The following USH2A variants were observed in gnomAD, a reference collection of about 807,000 sequenced individuals.
The protein encoded by USH2A is Usher syndrome 2A (autosomal recessive, mild).
USH2A carries 443 observed loss-of-function variants against 538.9 expected under a neutral mutation model. That is an observed-to-expected ratio of 0.82 (90% CI 0.76 to 0.89). The LOEUF is 0.89. USH2A is among the 40% of genes least tolerant of loss of function. The probability of loss-of-function intolerance (pLI) is 0.00; values close to 1 mark genes in which losing one functional copy is unlikely to be tolerated. For missense variants in USH2A, 6,633 were observed against 6,324.8 expected, an observed-to-expected ratio of 1.05 and a Z score of -1.65; for synonymous variants, 2,413 against 2,273.5, an observed-to-expected ratio of 1.06 and a Z score of -1.75.
At chr1:216,410,837 A>G (rs1307110403) in intron 3 of USH2A, among the ~76,000 whole-genome samples, 1 of 152,080 alleles carries the variant, frequency 6.6e-6, no homozygotes, top group Non-Finnish European at 1.5e-5. Flanking sequence ...ACTCCTCTCA[A>G]AGCTGACCAT....
chr1:216,063,165 T>C (rs1023536970), intron 30 of USH2A, among the ~76,000 whole-genome samples: 34 of 152,160 alleles, frequency 2.2e-4, no homozygotes, highest in African/African-American at 8.0e-4. Context: ...GCTTCACCGA[T>C]TTTTCTCTCT....
chr1:215,986,183 A>G (rs1310790863), intron 35 of USH2A, among the ~76,000 whole-genome samples: 1 of 151,998 alleles, frequency 6.6e-6, no homozygotes, highest in Non-Finnish European at 1.5e-5. Context: ...GCAGTGTCAC[A>G]ATTGTGGTTC....
intron 3 of USH2A, among the ~76,000 whole-genome samples, chr1:216,376,682 C>T (rs2038827732): frequency 6.6e-6 from 1 of 152,002 alleles, no homozygotes; most frequent in Admixed American, 6.6e-5. Context: ...TTTATACTTC[C>T]AGGGAATAAG....
chr1:215,758,968 C>A (rs549420983), intron 57 of USH2A, among the ~76,000 whole-genome samples: 1 of 152,162 alleles, frequency 6.6e-6, no homozygotes, highest in Non-Finnish European at 1.5e-5. Flanking sequence ...TTATTTTTAA[C>A]CTGCTAGTAA....
At chr1:215,985,791 C>CTATA (rs1403622817) in intron 35 of USH2A, among the ~76,000 whole-genome samples, 2 of 151,984 alleles carry the variant, frequency 1.3e-5, no homozygotes, top group African/African-American at 4.8e-5. Flanking sequence ...TATAAGAGAC[C>CTATA]TATAGTTAAT....
chr1:215,812,503 G>A (rs1339408385), intron 49 of USH2A, among the ~76,000 whole-genome samples: 2 of 152,132 alleles, frequency 1.3e-5, no homozygotes, highest in African/African-American at 4.8e-5. Context: ...GTTAGACAGT[G>A]TCTCATTTCA....
chr1:216,237,450 G>A (rs779917499), intron 13 of USH2A, among the ~76,000 whole-genome samples: 12 of 148,118 alleles, frequency 8.1e-5, no homozygotes, highest in South Asian at 4.2e-4. Context: ...AGCTGAGATC[G>A]TGCCACTGCA....
intron 21 of USH2A, among the ~76,000 whole-genome samples, chr1:216,118,572 A>C (rs563992141): frequency 6.6e-6 from 1 of 152,348 alleles, no homozygotes; most frequent in African/African-American, 2.4e-5. Context: ...TGTCTCCAAC[A>C]GACAATGCTC....
At chr1:215,633,434 C>G (rs1656375624) in intron 70 of USH2A, among the ~76,000 whole-genome samples, 1 of 152,180 alleles carries the variant, frequency 6.6e-6, no homozygotes, top group African/African-American at 2.4e-5. Flanking sequence ...AACACTCCTG[C>G]TACTTAGGTC....
At chr1:216,126,222 GTTTTGT>G (rs146062364) in intron 21 of USH2A, among the ~76,000 whole-genome samples, 49,195 of 151,160 alleles carry the variant, frequency 0.33, 8,949 homozygotes, top group East Asian at 0.71. Context: ...TGTTGTTGTT[GTTTTGT>G]TTTTGTTTTT....
intron 37 of USH2A, among the ~76,000 whole-genome samples, chr1:215,963,009 A>C (rs1329714795): frequency 6.6e-6 from 1 of 152,094 alleles, no homozygotes; most frequent in African/African-American, 2.4e-5. Context: ...AGGCACTTTT[A>C]TGTTGAAACT....
intron 3 of USH2A, among the ~76,000 whole-genome samples, chr1:216,373,486 T>C (rs1224798599): frequency 6.6e-6 from 1 of 152,178 alleles, no homozygotes; most frequent in Admixed American, 6.6e-5. Context: ...AAAAAATAAC[T>C]ATCTCAACGT....
intron 8 of USH2A, 108 bp from the exon 9 acceptor site, chr1:216,322,084 G>C: frequency 1.9e-6 from 2 of 1,056,096 alleles, no homozygotes; most frequent in Non-Finnish European, 1.5e-6. Flanking sequence ...GAAGATTTTT[G>C]TATATTTAAT....
intron 20 of USH2A, 32 bp from the exon 21 acceptor site, chr1:216,175,514 G>C (rs779309758): frequency 5.6e-6 from 9 of 1,609,672 alleles, no homozygotes; most frequent in Non-Finnish European, 7.6e-6. Context: ...TTATATTCAA[G>C]AATTTGGTTT....
At chr1:215,647,964 T>C (rs916954243) in intron 66 of USH2A, among the ~76,000 whole-genome samples, 3 of 152,214 alleles carry the variant, frequency 2.0e-5, no homozygotes, top group Non-Finnish European at 4.4e-5. Flanking sequence ...TACACACACA[T>C]TGCTGTTTAC....
rs531447044 is a variant in USH2A, at chr1:216,021,893, G to A, written c.6326-21331C>T. Among the ~76,000 whole-genome samples the A allele has an allele frequency of 5.9e-5, 9 of 152,280 alleles. No individual in the cohort carries two copies. The South Asian group carries it at 1.9e-3, about 32-fold the overall frequency. ...CAATTTGATCCCCAACATTGAGGCT[G>A]AGCCTTTTAGGAGGTGTTTGGATCT... On this transcript the variant is annotated intron_variant, in intron 32 of 71. Transcript: ENST00000307340.
In USH2A at chr1:215,650,649, G is replaced by T. The variant is rs750368946; in HGVS notation, c.14286C>A (p.Asn4762Lys). The T allele has an allele frequency of 1.2e-6, 2 of 1,614,126 alleles. No individual in the cohort carries two copies. Among genetic ancestry groups the T allele is most frequent in the Non-Finnish European group, 1.7e-6 (2 of 1,180,036 alleles). ...ACAGCCTGTAGAGACTGACGATCCCGTTGGGCTTCCCAGGGGCACTGATGT... is the reference window on the plus strand; with the variant it reads ...ACAGCCTGTAGAGACTGACGATCCCTTTGGGCTTCCCAGGGGCACTGATGT... ...VVNISAPGKPNGIVSLYRLFS... is the reference protein window; with the variant it reads ...VVNISAPGKPKGIVSLYRLFS... Residue 4762 changes from asparagine (N) to lysine (K), a missense_variant, in exon 65 of 72, where the codon AAC (asparagine) becomes AAA (lysine). Asn to Lys is a moderately conservative substitution (Grantham distance 94). Transcript: ENST00000307340.
At chr1:215,727,478 G>A (rs775994723) in intron 61 of USH2A, among the ~76,000 whole-genome samples, 9 of 152,152 alleles carry the variant, frequency 5.9e-5, no homozygotes, top group Non-Finnish European at 1.2e-4. Flanking sequence ...TGTAATCCCA[G>A]AACTTTGGGA....
At chr1:216,040,743 A>G (rs2030238410) in intron 32 of USH2A, among the ~76,000 whole-genome samples, 2 of 152,012 alleles carry the variant, frequency 1.3e-5, no homozygotes, top group Non-Finnish European at 2.9e-5. Flanking sequence ...TAGCTCTGCT[A>G]GTGATATCAA....
Sources: gnomAD v4.1 joint callset for allele counts (sites outside exome capture counted in the v4.1 genomes callset) on GRCh38, gnomAD v4.1.1 for gene constraint, MANE v1.5 for transcripts, NCBI Gene and HGNC (gene_info 2026-07-23, HGNC 2026-07-21) for gene names.